RPGRIP1: variants seen among roughly 807,000 people sequenced by gnomAD.
RPGRIP1 encodes RPGR interacting protein 1.
RPGRIP1 carries 128 observed loss-of-function variants against 157.9 expected under a neutral mutation model. That is an observed-to-expected ratio of 0.81 (90% CI 0.70 to 0.94). The LOEUF is 0.94. RPGRIP1 is among the 40% of genes least tolerant of loss of function. RPGRIP1 has a pLI of 0.00. For synonymous variants in RPGRIP1, 554 were observed against 571.6 expected (o/e 0.97, Z 0.44); for missense variants, 1,486 against 1,545.8 (o/e 0.96, Z 0.65).
At chr14:21,284,010 G>A (rs902513012) in intron 1 of RPGRIP1, among the ~76,000 whole-genome samples, 2 of 152,136 alleles carry the variant, frequency 1.3e-5, no homozygotes, top group African/African-American at 4.8e-5. Context: ...CTTAAAATAG[G>A]CATGCTATGA....
In RPGRIP1 at chr14:21,342,939, G is replaced by T. The variant is rs775641433; in HGVS notation, c.3340-97G>T. 5.0e-4 allele frequency: 409 copies of T among 825,042 alleles called. No homozygotes were observed. Among genetic ancestry groups the T allele is most frequent in the Non-Finnish European group, 7.1e-4 (364 of 516,302 alleles). 51.1% of individuals were successfully genotyped at this position (825,042 alleles called of 1,614,324 possible). On this transcript the variant is annotated intron_variant, in intron 21 of 24. Coordinates refer to ENST00000400017, the MANE Select transcript of RPGRIP1 (RefSeq NM_020366.4). ...TAGTAGATAGATTATACCTATGGTTGATTTCTAGAGAGTACCGTAATGGGT... is the reference window on the plus strand; with the variant it reads ...TAGTAGATAGATTATACCTATGGTTTATTTCTAGAGAGTACCGTAATGGGT...
intron 24 of RPGRIP1, among the ~76,000 whole-genome samples, chr14:21,348,962 A>G (rs547415330): frequency 2.6e-5 from 4 of 151,682 alleles, no homozygotes; most frequent in African/African-American, 9.7e-5. Flanking sequence ...CACCTGGCCC[A>G]TCTTGTCTCT....
intron 6 of RPGRIP1, among the ~76,000 whole-genome samples, chr14:21,306,075 A>AC (rs1881286672): frequency 6.7e-6 from 1 of 150,188 alleles, no homozygotes; most frequent in African/African-American, 2.5e-5. Flanking sequence ...TTCAAACAAT[A>AC]AAGAAAACGT....
At chr14:21,345,042 T>C (rs752254289) in intron 22 of RPGRIP1, 71 bp from the exon 23 acceptor site, 22 of 959,808 alleles carry the variant, frequency 2.3e-5, no homozygotes, top group Non-Finnish European at 3.4e-5. Flanking sequence ...TGAATACCAC[T>C]AATGAAAGTC....
chr14:21,312,271 A>G (rs993317720), intron 9 of RPGRIP1, among the ~76,000 whole-genome samples, 162 bp from the exon 10 acceptor site: 1 of 152,176 alleles, frequency 6.6e-6, no homozygotes, highest in African/African-American at 2.4e-5. Context: ...TTTCTAGCCG[A>G]CCTTCAATTG....
At chr14:21,296,814 G>A (rs950830714) in intron 3 of RPGRIP1, among the ~76,000 whole-genome samples, 1 of 151,794 alleles carries the variant, frequency 6.6e-6, no homozygotes, top group Non-Finnish European at 1.5e-5. Context: ...AATTAGCTGG[G>A]CGTGGTGGTG....
chr14:21,307,892 A>C (rs1160934595), intron 7 of RPGRIP1, 56 bp downstream of exon 7: 1 of 915,766 alleles, frequency 1.1e-6, no homozygotes, highest in Non-Finnish European at 1.7e-6. Flanking sequence ...CAATTAAGAG[A>C]TTCATATTAT....
Position 21,327,817 on chromosome 14 carries a change from C to T in RPGRIP1, c.2895+10C>T. The T allele has an allele frequency of 6.4e-7, 1 of 1,560,732 alleles. No homozygotes were observed. Among genetic ancestry groups the T allele is most frequent in the Non-Finnish European group, 8.7e-7 (1 of 1,153,066 alleles). ...TTCATTTCCTTCCCAGGTAACTCTCCAGGACTCCACAGGTAGCAGATCTCT... is the reference window on the plus strand; with the variant it reads ...TTCATTTCCTTCCCAGGTAACTCTCTAGGACTCCACAGGTAGCAGATCTCT... On this transcript the variant is annotated intron_variant, in intron 18 of 24. Coordinates refer to ENST00000400017, the MANE Select transcript of RPGRIP1 (RefSeq NM_020366.4).
chr14:21,306,045 C>T (rs1007435373), intron 6 of RPGRIP1, among the ~76,000 whole-genome samples: 1 of 150,076 alleles, frequency 6.7e-6, no homozygotes, highest in Admixed American at 6.7e-5. Context: ...CCAAATCCTC[C>T]CCAGTATCTC....
At chr14:21,349,918 G>T (rs1386612627) in intron 24 of RPGRIP1, among the ~76,000 whole-genome samples, 1 of 152,058 alleles carries the variant, frequency 6.6e-6, no homozygotes, top group Non-Finnish European at 1.5e-5. Flanking sequence ...TACATAGCTG[G>T]GATGTCACCT....
At chr14:21,350,731 G>T (rs546818872) in intron 24 of RPGRIP1, among the ~76,000 whole-genome samples, 1 of 152,136 alleles carries the variant, frequency 6.6e-6, no homozygotes, top group African/African-American at 2.4e-5. Context: ...GGCAAGTGAC[G>T]TTATCTTTGT....
chr14:21,346,868 A>ACTT (rs1394516549), intron 23 of RPGRIP1, among the ~76,000 whole-genome samples: 1 of 152,144 alleles, frequency 6.6e-6, no homozygotes, highest in Non-Finnish European at 1.5e-5. Flanking sequence ...AAGGCCCAAT[A>ACTT]CTTTTGTTTC....
chr14:21,297,861 C>CTTTCTTTCTTTCTTTCTTTT (rs1880858221), intron 3 of RPGRIP1, among the ~76,000 whole-genome samples: 2 of 150,302 alleles, frequency 1.3e-5, no homozygotes, highest in Non-Finnish European at 3.0e-5. Context: ...TTCTTTCTTT[C>CTTTCTTTCTTTCTTTCTTTT]TTTCTTTCTT....
rs958665942 is a variant in RPGRIP1 at position 21,289,303 on chromosome 14, A to G, written c.85+1242A>G. Among the ~76,000 whole-genome samples the G allele has an allele frequency of 5.3e-5, 8 of 152,050 alleles. No individual in the cohort carries two copies. The South Asian group carries it at 1.7e-3, about 32-fold the overall frequency. On this transcript the variant is annotated intron_variant, in intron 2 of 24. Transcript: ENST00000400017. ...AGATCGCACCACTGCACTCCAGCCTAGGCGACAGAGCGAGACTCCATACCA... is the reference window on the plus strand; with the variant it reads ...AGATCGCACCACTGCACTCCAGCCTGGGCGACAGAGCGAGACTCCATACCA...
chr14:21,280,875 A>G (rs916722076), intron 1 of RPGRIP1, among the ~76,000 whole-genome samples: 2 of 152,178 alleles, frequency 1.3e-5, no homozygotes, highest in Admixed American at 1.3e-4. Flanking sequence ...TCAGAAATGT[A>G]TCCACTATCT....
At chr14:21,315,357 A>G (rs1441669160) in intron 10 of RPGRIP1, among the ~76,000 whole-genome samples, 1 of 151,534 alleles carries the variant, frequency 6.6e-6, no homozygotes, top group Non-Finnish European at 1.5e-5. Context: ...AATACAAAAA[A>G]TTAGCCAGGC....
chr14:21,346,032 T>G (rs901915478), intron 23 of RPGRIP1, among the ~76,000 whole-genome samples: 1 of 152,054 alleles, frequency 6.6e-6, no homozygotes, highest in Non-Finnish European at 1.5e-5. Context: ...TTGGCCAGGC[T>G]GATCCCAACC....
intron 2 of RPGRIP1, among the ~76,000 whole-genome samples, chr14:21,292,375 T>A (rs1225236110): frequency 7.9e-5 from 12 of 151,884 alleles, no homozygotes; most frequent in Non-Finnish European, 1.5e-4. Flanking sequence ...GAAAAAAAAA[T>A]TTTGATGTCA....
Position 21,303,363 on chromosome 14 carries a change from G to A in RPGRIP1, c.620G>A (p.Ser207Asn), listed in dbSNP as rs763667727. 41 of 1,613,434 alleles carry A rather than the reference G, an allele frequency of 2.5e-5. 1 individual carries two copies. The highest frequency in any genetic ancestry group is 3.4e-5 in the Non-Finnish European group (40 of 1,179,622). ...VSGSNSIISF[S>N]SVISMAKPIG... Reference sequence around the variant, plus strand: ...GGTTCTAACAGCATAATTTCTTTCAGCAGTGTCATAAGTATGGCTAAACCC... The same window carrying A: ...GGTTCTAACAGCATAATTTCTTTCAACAGTGTCATAAGTATGGCTAAACCC... The change falls in exon 6 of 25, where the codon AGC becomes AAC. Residue 207 changes from serine (S) to asparagine (N), a missense_variant. Physicochemically the swap from Ser to Asn is conservative, Grantham distance 46. Coordinates refer to ENST00000400017, the MANE Select transcript of RPGRIP1 (RefSeq NM_020366.4).
Sources: gnomAD v4.1 joint callset for allele counts (sites outside exome capture counted in the v4.1 genomes callset) on GRCh38, gnomAD v4.1.1 for gene constraint, MANE v1.5 for transcripts, NCBI Gene and HGNC (gene_info 2026-07-23, HGNC 2026-07-21) for gene names.